NUP37: variants seen among roughly 807,000 people sequenced by gnomAD.
The protein encoded by NUP37 is nucleoporin Nup37.
A neutral mutation model predicts 45.4 loss-of-function variants in NUP37; 33 were observed. That is an observed-to-expected ratio of 0.73 (90% CI 0.55 to 0.97). NUP37 has a LOEUF of 0.97. NUP37 is among the 50% of genes least tolerant of loss of function. The pLI is 0.00. For synonymous variants in NUP37, 127 were observed against 130.7 expected (o/e 0.97, Z 0.19); for missense variants, 365 against 389.7 (o/e 0.94, Z 0.53).
chr12:102,101,355 T>C (rs1259734114), intron 3 of NUP37, among the ~76,000 whole-genome samples: 3 of 152,222 alleles, frequency 2.0e-5, no homozygotes, highest in African/African-American at 4.8e-5. Flanking sequence ...GATGTGCTTC[T>C]TCAGTAATAA....
At position 102,118,590 on chromosome 12, in the gene NUP37, A is replaced by T; in HGVS notation, c.-65-7T>A. The T allele has an allele frequency of 7.4e-7, 1 of 1,357,064 alleles. No homozygotes were observed. Among genetic ancestry groups the T allele is most frequent in the Non-Finnish European group, 1.0e-6 (1 of 980,374 alleles). 84.1% of individuals were successfully genotyped at this position (1,357,064 alleles called of 1,614,324 possible). On this transcript the variant is annotated splice_polypyrimidine_tract_variant and splice_region_variant and intron_variant, in intron 1 of 9. Transcript: ENST00000552283. ...ACTGGACAAGGTCACGAAACTGTGGATTAGAGCACAGGTACAATTACAATG... is the reference window on the plus strand; with the variant it reads ...ACTGGACAAGGTCACGAAACTGTGGTTTAGAGCACAGGTACAATTACAATG...
chr12:102,118,246 C>CTTT, intron 2 of NUP37, 117 bp downstream of exon 2: 2 of 815,936 alleles, frequency 2.5e-6, no homozygotes, highest in Non-Finnish European at 3.6e-6. Flanking sequence ...TGGATCTTAT[C>CTTT]TTTTTTTTTT....
At chr12:102,097,843 T>C (rs564727465) in intron 5 of NUP37, among the ~76,000 whole-genome samples, 3 of 152,312 alleles carry the variant, frequency 2.0e-5, no homozygotes, top group African/African-American at 2.4e-5. Flanking sequence ...CCTAGAATCT[T>C]AATGTCATGT....
At chr12:102,102,016 C>A (rs1416511217) in intron 3 of NUP37, among the ~76,000 whole-genome samples, 3 of 152,174 alleles carry the variant, frequency 2.0e-5, no homozygotes, top group South Asian at 2.1e-4. Context: ...TGAGCCACTG[C>A]GCCTGGCCAA....
chr12:102,114,956 AATG>A (rs1190965432), intron 2 of NUP37, among the ~76,000 whole-genome samples: 2 of 152,344 alleles, frequency 1.3e-5, no homozygotes, highest in African/African-American at 4.8e-5. Context: ...AGTCTAACTT[AATG>A]ATGACAAATA....
At chr12:102,099,773 T>C (rs1879919531) in intron 4 of NUP37, among the ~76,000 whole-genome samples, 1 of 152,170 alleles carries the variant, frequency 6.6e-6, no homozygotes, top group African/African-American at 2.4e-5. Flanking sequence ...AATGAGAAGT[T>C]GCACAGTGGA....
Position 102,112,138 on chromosome 12 carries a change from G to A in NUP37, c.251C>T (p.Thr84Ile), listed in dbSNP as rs750748100. ...TACTGGAGGCAATGAATCAAGTCTA[G>A]TCTCTGGGCTCCAAGCTATGCCATC... The part of the protein sequence containing the change: ...RVDGIAWSPE[T>I]RLDSLPPVIK... The change falls in exon 3 of 10, where the codon ACT becomes ATT. Residue 84 changes from threonine to isoleucine, a missense_variant. Transcript: ENST00000552283. The A allele has an allele frequency of 1.2e-6, 2 of 1,613,878 alleles. No individual in the cohort carries two copies. The highest frequency in any genetic ancestry group is 1.7e-6 in the Non-Finnish European group (2 of 1,179,848).
In NUP37 at chr12:102,086,602, A is replaced by G. The variant is rs1004762605; in HGVS notation, c.450-746T>C. ...TCCATTTCAATTGCTTTACCATTGC[A>G]GAGGGAGAGCAAGACTCAGAAATCT... On this transcript the variant is annotated intron_variant, in intron 5 of 9. Transcript: ENST00000552283. Among the ~76,000 whole-genome samples, 15 of 152,234 alleles carry G rather than the reference A, an allele frequency of 9.9e-5. 1 individual carries two copies. Among genetic ancestry groups the G allele is most frequent in the Non-Finnish European group, 1.5e-5 (1 of 68,036 alleles).
chr12:102,090,062 C>T (rs916846019), intron 5 of NUP37, among the ~76,000 whole-genome samples: 22 of 152,178 alleles, frequency 1.4e-4, no homozygotes, highest in Non-Finnish European at 2.4e-4. Flanking sequence ...CATCAAATAG[C>T]TTTCCAAGTT....
At chr12:102,110,291 G>T (rs1480418784) in intron 3 of NUP37, among the ~76,000 whole-genome samples, 2 of 151,976 alleles carry the variant, frequency 1.3e-5, no homozygotes, top group African/African-American at 4.8e-5. Context: ...CTCGAGCCTG[G>T]GTGCTCGAGA....
Position 102,073,260 on chromosome 12 carries a change from C to T in NUP37, c.*1094G>A, listed in dbSNP as rs1253172282. 6.6e-6 allele frequency: 1 copy of T among 152,148 alleles called. No individual in the cohort carries two copies. The highest frequency in any genetic ancestry group is 2.4e-5 in the African/African-American group (1 of 41,424). The allele number at this position is 152,148 out of a possible 1,614,324, so 9.4% of individuals were successfully genotyped here. ...TTGGATTCTGTATGTGACTGACAAG[C>T]AGAACCATAATTTTATATGCTTCTG... On this transcript the variant is annotated 3_prime_UTR_variant, in exon 10 of 10. Transcript: ENST00000552283.
intron 3 of NUP37, among the ~76,000 whole-genome samples, chr12:102,107,646 C>T (rs946535635): frequency 6.6e-6 from 1 of 152,076 alleles, no homozygotes; most frequent in African/African-American, 2.4e-5. Context: ...TAAACTGTAA[C>T]AGACTCACAA....
At chr12:102,087,481 G>A (rs1879505066) in intron 5 of NUP37, among the ~76,000 whole-genome samples, 1 of 152,130 alleles carries the variant, frequency 6.6e-6, no homozygotes, top group Non-Finnish European at 1.5e-5. Context: ...CTTTTCATCT[G>A]TATTTATTAT....
At chr12:102,095,111 T>C (rs17032256) in intron 5 of NUP37, among the ~76,000 whole-genome samples, 5,388 of 152,154 alleles carry the variant, frequency 0.035, 388 homozygotes, top group East Asian at 0.29. Context: ...TACAGAATGG[T>C]ACTGTTTCTA....
At chr12:102,091,432 A>C (rs1224501104) in intron 5 of NUP37, among the ~76,000 whole-genome samples, 5 of 146,578 alleles carry the variant, frequency 3.4e-5, no homozygotes, top group South Asian at 2.1e-4. Context: ...AAAAAAACCC[A>C]AAAAACAAAA....
chr12:102,074,427 G>C lies in NUP37; in HGVS notation c.908C>G (p.Ser303Cys). ...ACACAGAGGGAGAGTTCGATGCCAG[G>C]ACAGTCCAGATCCAACGGCTACAGA... ...MGSVAVGSGL[S>C]WHRTLPLCVI... Residue 303 changes from serine to cysteine, a missense_variant, in exon 10 of 10, where the codon TCC (serine) becomes TGC (cysteine). Transcript: ENST00000552283. The C allele has an allele frequency of 6.2e-7, 1 of 1,612,730 alleles. No homozygotes were observed. The highest frequency in any genetic ancestry group is 8.5e-7 in the Non-Finnish European group (1 of 1,179,204).
chr12:102,091,214 T>C (rs1422153540), intron 5 of NUP37, among the ~76,000 whole-genome samples: 4 of 151,544 alleles, frequency 2.6e-5, no homozygotes, highest in Non-Finnish European at 5.9e-5. Flanking sequence ...CTGACCAATA[T>C]GGTGAAACCC....
Position 102,108,810 on chromosome 12 carries a change from G to A in NUP37, c.281+3298C>T, listed in dbSNP as rs184819851. Among the ~76,000 whole-genome samples, 12 of 152,114 alleles carry A rather than the reference G, an allele frequency of 7.9e-5. No individual in the cohort carries two copies. The East Asian group carries it at 2.1e-3, about 27-fold the overall frequency. ...ATCACTCATGTTGAGGGTCTCCTAC[G>A]GATTTCCTCAGTTATAGCATAATGA... On this transcript the variant is annotated intron_variant, in intron 3 of 9. Transcript: ENST00000552283.
At chr12:102,103,566 C>T (rs543331489) in intron 3 of NUP37, among the ~76,000 whole-genome samples, 5 of 152,232 alleles carry the variant, frequency 3.3e-5, no homozygotes, top group South Asian at 4.1e-4. Context: ...TATTTGGATG[C>T]GTTTTAATTC....
Sources: gnomAD v4.1 joint callset for allele counts (sites outside exome capture counted in the v4.1 genomes callset) on GRCh38, gnomAD v4.1.1 for gene constraint, MANE v1.5 for transcripts, NCBI Gene and HGNC (gene_info 2026-07-23, HGNC 2026-07-21) for gene names.